FOXN3: variants seen among roughly 807,000 people sequenced by gnomAD.
FOXN3 encodes forkhead box N3, also known as forkhead box protein N3.
In FOXN3, 7 loss-of-function variants were observed where a neutral mutation model predicts 38.4. The observed-to-expected ratio is 0.18, with a 90% CI of 0.10 to 0.34. The LOEUF is 0.34. Among genes scored for constraint, FOXN3 ranks in the 10% least tolerant of loss-of-function variants. FOXN3 has a pLI of 1.00. For missense variants in FOXN3, 456 were observed against 613.4 expected, an observed-to-expected ratio of 0.74 and a Z score of 2.71; for synonymous variants, 230 against 242.2, an observed-to-expected ratio of 0.95 and a Z score of 0.47.
chr14:89,481,573 T>A (rs1430713284), intron 1 of FOXN3, among the ~76,000 whole-genome samples: 2 of 152,126 alleles, frequency 1.3e-5, no homozygotes, highest in African/African-American at 4.8e-5. Flanking sequence ...GGCAGCCCCA[T>A]GGAGGGCTTA....
chr14:89,203,596 C>T (rs7153737), intron 4 of FOXN3, among the ~76,000 whole-genome samples: 2 of 152,060 alleles, frequency 1.3e-5, no homozygotes, highest in Non-Finnish European at 2.9e-5. Context: ...ATGCGCTGAG[C>T]GGGCAGAGTG....
chr14:89,592,729 T>C (rs1335081435), intron 1 of FOXN3, among the ~76,000 whole-genome samples: 1 of 152,060 alleles, frequency 6.6e-6, no homozygotes, highest in Non-Finnish European at 1.5e-5. Flanking sequence ...TAGTAAACAA[T>C]TAGAGAATGT....
Position 89,325,851 on chromosome 14 carries a change from G to GT in FOXN3, c.680+24820dup, listed in dbSNP as rs1394111217. Among the ~76,000 whole-genome samples, 4 of 152,192 alleles carry GT rather than the reference G, an allele frequency of 2.6e-5. No homozygotes were observed. In the South Asian group the frequency reaches 6.2e-4, roughly 24 times the overall value. ...CAATGAACTGAGCTGGGCATTACCT[G>GT]TGCCTCTTGGGGACCAAGCCTAGCC... On this transcript the variant is annotated intron_variant, in intron 3 of 5. Transcript: ENST00000557258.
At chr14:89,601,519 A>G (rs954982953) in intron 1 of FOXN3, among the ~76,000 whole-genome samples, 2 of 152,228 alleles carry the variant, frequency 1.3e-5, no homozygotes, top group African/African-American at 4.8e-5. Context: ...GAAAATAAAA[A>G]TGAGGCATTG....
At chr14:89,267,296 T>C (rs1400957280) in intron 4 of FOXN3, among the ~76,000 whole-genome samples, 1 of 152,170 alleles carries the variant, frequency 6.6e-6, no homozygotes, top group South Asian at 2.1e-4. Context: ...TGCAGGATGG[T>C]GAGCACTGCA....
At position 89,229,362 on chromosome 14, in the gene FOXN3, AAGTATTT is replaced by A. The variant is rs370024543; in HGVS notation, c.746-48563_746-48557del. Among the ~76,000 whole-genome samples, 22 of 152,318 alleles carry A rather than the reference AAGTATTT, an allele frequency of 1.4e-4. 1 individual carries two copies. The highest frequency in any genetic ancestry group is 4.8e-4 in the African/African-American group (20 of 41,564). ...ACAATCAAAATATCCTATTGCACAA[AAGTATTT>A]ATTAAGCTCTTGCCACTCTGACCAC... On this transcript the variant is annotated intron_variant, in intron 4 of 5. Coordinates refer to ENST00000557258, the MANE Select transcript of FOXN3 (RefSeq NM_005197.4).
At chr14:89,594,497 C>G (rs1275361737) in intron 1 of FOXN3, among the ~76,000 whole-genome samples, 2 of 152,190 alleles carry the variant, frequency 1.3e-5, no homozygotes, top group Non-Finnish European at 2.9e-5. Context: ...GTTTATTCAA[C>G]ATTTGAATAT....
intron 4 of FOXN3, 38 bp from the exon 5 acceptor site, chr14:89,180,844 T>G: frequency 6.6e-7 from 1 of 1,524,664 alleles, no homozygotes; most frequent in Non-Finnish European, 9.0e-7. Context: ...CGCACGTGAA[T>G]TCAACTGTGA....
intron 1 of FOXN3, among the ~76,000 whole-genome samples, chr14:89,532,428 A>G (rs746223474): frequency 6.6e-6 from 1 of 152,176 alleles, no homozygotes; most frequent in Non-Finnish European, 1.5e-5. Flanking sequence ...GCATAATCAC[A>G]AGCTCCATTT....
chr14:89,224,803 A>C (rs2139846299), intron 4 of FOXN3, among the ~76,000 whole-genome samples: 1 of 152,288 alleles, frequency 6.6e-6, no homozygotes, highest in Admixed American at 6.5e-5. Flanking sequence ...GTTCAAGACT[A>C]GCCTGGGTAA....
chr14:89,237,474 T>C (rs531861738), intron 4 of FOXN3, among the ~76,000 whole-genome samples: 33 of 152,360 alleles, frequency 2.2e-4, no homozygotes, highest in African/African-American at 7.2e-4. Flanking sequence ...CTAGTGATTG[T>C]ATTCCGAAGC....
At chr14:89,592,683 A>T (rs150088971) in intron 1 of FOXN3, among the ~76,000 whole-genome samples, 1 of 152,356 alleles carries the variant, frequency 6.6e-6, no homozygotes, top group East Asian at 1.9e-4. Flanking sequence ...ACTTTCAGAG[A>T]TGAAGTTCTT....
chr14:89,417,354 G>A (rs1041981070), upstream of FOXN3: 1 of 147,568 alleles, frequency 6.8e-6, no homozygotes, highest in African/African-American at 2.4e-5. Flanking sequence ...CCTGGGGCGC[G>A]GGGCACTGAC....
chr14:89,367,912 T>TATCTTCCTCAATCCCAGCATCCC (rs1165624731), intron 2 of FOXN3, among the ~76,000 whole-genome samples: 1 of 152,204 alleles, frequency 6.6e-6, no homozygotes, highest in East Asian at 1.9e-4. Context: ...CCAAGCATCG[T>TATCTTCCTCAATCCCAGCATCCC]ATCTTCCTCA....
At chr14:89,547,065 G>A (rs369938173) in intron 1 of FOXN3, among the ~76,000 whole-genome samples, 7 of 152,186 alleles carry the variant, frequency 4.6e-5, no homozygotes, top group South Asian at 2.1e-4. Flanking sequence ...GATTACAGGC[G>A]AGAGTCACCA....
At chr14:89,370,881 T>G (rs10150947) in intron 2 of FOXN3, among the ~76,000 whole-genome samples, 1 of 152,118 alleles carries the variant, frequency 6.6e-6, no homozygotes, top group Non-Finnish European at 1.5e-5. Flanking sequence ...AACTTGTAAG[T>G]ACACAGAAGG....
rs1890767343 is a variant in FOXN3, at chr14:89,385,498, T to TA, written c.543+26435_543+26436insT. Among the ~76,000 whole-genome samples, 3 of 62,816 alleles carry TA rather than the reference T, an allele frequency of 4.8e-5. No homozygotes were observed. In the South Asian group the frequency reaches 3.4e-3, roughly 71 times the overall value. The allele number at this position is 62,816 out of a possible 152,430, so 41.2% of individuals were successfully genotyped here. ...GAATAACAAAAGCTGAGGCAAACAT[T>TA]TAAAAAAAAAAAAAAAAAAAAAAGG... On this transcript the variant is annotated intron_variant, in intron 2 of 5. Coordinates refer to ENST00000557258, the MANE Select transcript of FOXN3 (RefSeq NM_005197.4).
intron 1 of FOXN3, among the ~76,000 whole-genome samples, chr14:89,551,109 G>C (rs1208824187): frequency 1.3e-5 from 2 of 152,220 alleles, no homozygotes; most frequent in African/African-American, 4.8e-5. Context: ...GCCCGGGATA[G>C]AGGTTTAAGC....
Position 89,460,485 on chromosome 14 carries a change from G to A in FOXN3, c.-14-47995C>T, listed in dbSNP as rs139145470. Among the ~76,000 whole-genome samples, 1,215 of 152,250 alleles carry A rather than the reference G, an allele frequency of 8.0e-3. 9 individuals carry two copies. The highest frequency in any genetic ancestry group is 0.013 in the Non-Finnish European group (883 of 68,022). ...ACACCGTCAGAGTGCACAGTGAGCGGGCTTCATTTGTCCCGCTTCTTGTTC... is the reference window on the plus strand; with the variant it reads ...ACACCGTCAGAGTGCACAGTGAGCGAGCTTCATTTGTCCCGCTTCTTGTTC... On this transcript the variant is annotated intron_variant, in intron 1 of 6. Transcript: ENST00000345097.
Sources: gnomAD v4.1 joint callset for allele counts (sites outside exome capture counted in the v4.1 genomes callset) on GRCh38, gnomAD v4.1.1 for gene constraint, MANE v1.5 for transcripts, NCBI Gene and HGNC (gene_info 2026-07-23, HGNC 2026-07-21) for gene names.